The following CHD5 variants were observed in gnomAD, a reference collection of about 807,000 sequenced individuals.
CHD5 encodes the protein chromodomain helicase DNA binding protein 5.
A neutral mutation model predicts 230.3 loss-of-function variants in CHD5; 69 were observed. That is an observed-to-expected ratio of 0.30 (90% CI 0.25 to 0.37). CHD5 has a LOEUF of 0.37. Among genes scored for constraint, CHD5 ranks in the 10% least tolerant of loss-of-function variants. The pLI, the probability that CHD5 is intolerant of heterozygous loss-of-function variation, is 1.00. For synonymous variants in CHD5, 1,064 were observed against 1,065.9 expected (o/e 1.00, Z 0.03); for missense variants, 1,827 against 2,622.8 (o/e 0.70, Z 6.63).
rs552580609 is a variant in CHD5, at chr1:6,113,273, A to G, written c.4913-275T>C. 59 of 427,756 alleles carry G rather than the reference A, an allele frequency of 1.4e-4. 2 individuals carry two copies. Among genetic ancestry groups the G allele is most frequent in the South Asian group, 1.2e-3 (57 of 49,178 alleles). The allele number at this position is 427,756 out of a possible 1,614,324, so 26.5% of individuals were successfully genotyped here. A position where few individuals can be genotyped will look rare whatever the true frequency, so the allele number is the denominator to read the frequency against. ...TCTCATCTCTACAAAAAATACAACA[A>G]CTTAGCTGGGCTTGGCGCCATGCGC... On this transcript the variant is annotated intron_variant, in intron 33 of 41. Coordinates refer to ENST00000262450, the MANE Select transcript of CHD5 (RefSeq NM_015557.3).
rs1557532095 is a variant in CHD5 at position 6,104,618 on chromosome 1, G to GGCCCCCCCC, written c.*855_*856insGGGGGGGGC. 1 of 145,016 alleles carries GGCCCCCCCC rather than the reference G, an allele frequency of 6.9e-6. No individual in the cohort carries two copies. Among genetic ancestry groups the GGCCCCCCCC allele is most frequent in the East Asian group, 2.1e-4 (1 of 4,746 alleles). 9.0% of individuals were successfully genotyped at this position (145,016 alleles called of 1,614,324 possible). On this transcript the variant is annotated 3_prime_UTR_variant, in exon 42 of 42. Transcript: ENST00000262450. The stretch of plus-strand genomic sequence containing the variant: ...CAGCAGTGGCTCCGAGGCAAGTGCT[G>GGCCCCCCCC]CCCCCCCCCCAGCCCACCCTCCCTG...
rs1273194211 is a variant in CHD5 at position 6,130,918 on chromosome 1, G to C, written c.3263-590C>G. On this transcript the variant is annotated intron_variant, in intron 21 of 41. Transcript: ENST00000262450. This position sits in a 1 kb window ranked among gnomAD's most constrained non-coding sequence, Gnocchi z 4.9. ...GCCACTCCTGCTTCCACATGTGGCT[G>C]GGCCACGTCTAGACCCTGAAACTCT... Among the ~76,000 whole-genome samples the C allele has an allele frequency of 1.3e-5, 2 of 152,248 alleles. No individual in the cohort carries two copies. Among genetic ancestry groups the C allele is most frequent in the African/African-American group, 4.8e-5 (2 of 41,466 alleles).
rs367714204 is a variant in CHD5, at chr1:6,142,644, TG to T, written c.2044-40del. ...AGCGGTTCAGACACGCCCCAGATCCTGGGCCACCAGAGTCCACACTACAGGC... is the reference window on the plus strand; with the variant it reads ...AGCGGTTCAGACACGCCCCAGATCCTGGCCACCAGAGTCCACACTACAGGC... On this transcript the variant is annotated intron_variant, in intron 13 of 41. Transcript: ENST00000262450. The surrounding 1 kb of genome is among the most constrained non-coding windows in gnomAD (Gnocchi z 5.2). 205 of 1,575,220 alleles carry T rather than the reference TG, an allele frequency of 1.3e-4. No individual in the cohort carries two copies. In the East Asian group the frequency reaches 3.9e-3, roughly 30 times the overall value.
chr1:6,174,861 G>A lies in CHD5; in HGVS notation c.79+5084C>T, dbSNP rs117741260. Reference sequence around the variant, plus strand: ...TGGATGAATGGATGAATGACGGATGGATGGATGAAAGATGAATGGATAGAT... The same window carrying A: ...TGGATGAATGGATGAATGACGGATGAATGGATGAAAGATGAATGGATAGAT... On this transcript the variant is annotated intron_variant, in intron 1 of 41. Coordinates refer to ENST00000262450, the MANE Select transcript of CHD5 (RefSeq NM_015557.3). Among the ~76,000 whole-genome samples the A allele has an allele frequency of 5.6e-4, 85 of 151,584 alleles. 1 individual carries two copies. In the East Asian group the frequency reaches 0.016, roughly 29 times the overall value.
At position 6,128,719 on chromosome 1, in the gene CHD5, G is replaced by T. The variant is rs2273033; in HGVS notation, c.3620-110C>A. ...GCTGTCCTAGCCAGGAGATACAGGT[G>T]GGGGGTGCAGAAGAGAGGCTGTGTG... On this transcript the variant is annotated intron_variant, in intron 23 of 41. Coordinates refer to ENST00000262450, the MANE Select transcript of CHD5 (RefSeq NM_015557.3). This position sits in a 1 kb window ranked among gnomAD's most constrained non-coding sequence, Gnocchi z 7.8. The T allele has an allele frequency of 1.6e-6, 2 of 1,241,264 alleles. No homozygotes were observed. The highest frequency in any genetic ancestry group is 4.9e-5 in the East Asian group (2 of 41,168). The allele number at this position is 1,241,264 out of a possible 1,614,324, so 76.9% of individuals were successfully genotyped here.
At chr1:6,158,520 C>G (rs1049262609) in intron 3 of CHD5, among the ~76,000 whole-genome samples, 1 of 152,246 alleles carries the variant, frequency 6.6e-6, no homozygotes, top group African/African-American at 2.4e-5. Context: ...GCTGCTCACT[C>G]AAAAATTAGC....
In CHD5 at chr1:6,121,864, G is replaced by A. The variant is rs1169478824; in HGVS notation, c.4700-291C>T. ...GCTCATCTGGAGGCAGGGAAGTGAG[G>A]CAGATGGAGGCCCAGATTGGGAGCC... On this transcript the variant is annotated intron_variant, in intron 31 of 41. Coordinates refer to ENST00000262450, the MANE Select transcript of CHD5 (RefSeq NM_015557.3). This position sits in a 1 kb window ranked among gnomAD's most constrained non-coding sequence, Gnocchi z 4.5. Among the ~76,000 whole-genome samples, 1 of 152,202 alleles carries A rather than the reference G, an allele frequency of 6.6e-6. No homozygotes were observed. Among genetic ancestry groups the A allele is most frequent in the East Asian group, 1.9e-4 (1 of 5,182 alleles).
In CHD5 at chr1:6,137,774, A is replaced by G. The variant is rs115791481; in HGVS notation, c.2437-909T>C. 3.7e-3 allele frequency among the ~76,000 whole-genome samples: 569 copies of G among 152,350 alleles called. 3 individuals carry two copies. The highest frequency in any genetic ancestry group is 0.013 in the African/African-American group (539 of 41,586). On this transcript the variant is annotated intron_variant, in intron 15 of 41. Transcript: ENST00000262450. The stretch of plus-strand genomic sequence containing the variant: ...TTAATGCCCTGAGGTTGCTGATGTG[A>G]AATTATTAATCATTTTGTTGTTTAT...
At chr1:6,172,553 T>A (rs1334534557) in intron 1 of CHD5, among the ~76,000 whole-genome samples, 1 of 151,488 alleles carries the variant, frequency 6.6e-6, no homozygotes, top group African/African-American at 2.4e-5. Context: ...CCTCATTATT[T>A]ACCTACATCT....
At position 6,111,734 on chromosome 1, in the gene CHD5, A is replaced by G. The variant is rs763732531; in HGVS notation, c.5249+41T>C. On this transcript the variant is annotated intron_variant, in intron 36 of 41. Transcript: ENST00000262450. Reference sequence around the variant, plus strand: ...GGGCTCTCCCCGAGGTCCACGGAGGAACGGGCAAGTCCCTGCCCAGCCCGG... The same window carrying G: ...GGGCTCTCCCCGAGGTCCACGGAGGGACGGGCAAGTCCCTGCCCAGCCCGG... 9.8e-6 allele frequency: 15 copies of G among 1,523,898 alleles called. No individual in the cohort carries two copies. In the South Asian group the frequency reaches 1.7e-4, roughly 17 times the overall value. 94.4% of individuals were successfully genotyped at this position (1,523,898 alleles called of 1,614,324 possible). A position where few individuals can be genotyped will look rare whatever the true frequency, so the allele number is the denominator to read the frequency against.
At chr1:6,116,279 T>G (rs1287878859) in intron 33 of CHD5, among the ~76,000 whole-genome samples, 1 of 152,206 alleles carries the variant, frequency 6.6e-6, no homozygotes, top group Non-Finnish European at 1.5e-5. Context: ...ATATGTTTGT[T>G]GGATGAATGA....
At chr1:6,161,484 C>T (rs1192111602) in intron 2 of CHD5, among the ~76,000 whole-genome samples, 1 of 152,248 alleles carries the variant, frequency 6.6e-6, no homozygotes, top group African/African-American at 2.4e-5. Flanking sequence ...CATTAAGCCT[C>T]CAGAGTCAGC....
intron 3 of CHD5, among the ~76,000 whole-genome samples, chr1:6,158,269 C>T (rs1667110147): frequency 6.6e-6 from 1 of 152,194 alleles, no homozygotes; most frequent in South Asian, 2.1e-4. Flanking sequence ...GGACGCTGGG[C>T]CCAGGGGAGA....
chr1:6,106,641 C>T lies in CHD5; in HGVS notation c.5717G>A (p.Arg1906His), dbSNP rs1296476872. Residue 1906 changes from arginine to histidine, a missense_variant, in exon 39 of 42, where the codon CGC becomes CAC. By Grantham distance (29) the Arg-to-His change is conservative. Coordinates refer to ENST00000262450, the MANE Select transcript of CHD5 (RefSeq NM_015557.3). ...CTGCTGGATGGTGGGGTCCCCGGCG[C>T]GGTTGGTCAGGCGGCTCAGGATGCT... ...ERSILSRLTN[R>H]AGDPTIQQGA... is the part of the protein sequence containing the mutation. 3 of 1,596,072 alleles carry T rather than the reference C, an allele frequency of 1.9e-6. No individual in the cohort carries two copies. Among genetic ancestry groups the T allele is most frequent in the Non-Finnish European group, 2.6e-6 (3 of 1,171,908 alleles).
At chr1:6,119,758 C>T (rs1019332910) in intron 33 of CHD5, among the ~76,000 whole-genome samples, 1 of 150,620 alleles carries the variant, frequency 6.6e-6, no homozygotes, top group African/African-American at 2.4e-5. Context: ...TACGTACATA[C>T]GTGCGTACAT....
At position 6,125,880 on chromosome 1, in the gene CHD5, G is replaced by C. The variant is rs368158789; in HGVS notation, c.4079-22C>G. The C allele has an allele frequency of 1.3e-6, 2 of 1,580,446 alleles. No individual in the cohort carries two copies. Among genetic ancestry groups the C allele is most frequent in the East Asian group, 2.2e-5 (1 of 44,724 alleles). ...CACTCTGCAGGGGGCCAGACAGAGG[G>C]GCACGGAGTGAGCTGTACAAGCAAA... On this transcript the variant is annotated intron_variant, in intron 26 of 41. Transcript: ENST00000262450. This position sits in a 1 kb window ranked among gnomAD's most constrained non-coding sequence, Gnocchi z 6.7.
At chr1:6,106,824 GTGGAGGGA>G in intron 38 of CHD5, 45 bp from the exon 39 acceptor site, 1 of 1,494,754 alleles carries the variant, frequency 6.7e-7, no homozygotes, top group Non-Finnish European at 9.1e-7. Flanking sequence ...GGATGGAGGG[GTGGAGGGA>G]TGGAGGAGTG....
Position 6,102,169 on chromosome 1 carries a change from A to G in CHD5, c.*3305T>C, listed in dbSNP as rs138682656. ...CCTCTCCAGGGGTGCTTGGGCTCCA[A>G]TCGCTGCTTGAGGAGTTCAGGACAC... is the stretch of plus-strand genomic sequence containing the variant. On this transcript the variant is annotated 3_prime_UTR_variant, in exon 42 of 42. Transcript: ENST00000262450. The G allele has an allele frequency of 6.0e-3, 1,571 of 260,494 alleles. 18 individuals carry two copies. Among genetic ancestry groups the G allele is most frequent in the South Asian group, 0.018 (568 of 30,912 alleles). The allele number at this position is 260,494 out of a possible 1,614,324, so 16.1% of individuals were successfully genotyped here.
Position 6,155,782 on chromosome 1 carries a change from G to C in CHD5, c.388-65C>G. The C allele has an allele frequency of 7.7e-7, 1 of 1,298,604 alleles. No individual in the cohort carries two copies. Among genetic ancestry groups the C allele is most frequent in the African/African-American group, 1.5e-5 (1 of 68,032 alleles). 80.4% of individuals were successfully genotyped at this position (1,298,604 alleles called of 1,614,324 possible). A position where few individuals can be genotyped will look rare whatever the true frequency, so the allele number is the denominator to read the frequency against. On this transcript the variant is annotated intron_variant, in intron 3 of 41. Coordinates refer to ENST00000262450, the MANE Select transcript of CHD5 (RefSeq NM_015557.3). The surrounding 1 kb of genome is among the most constrained non-coding windows in gnomAD (Gnocchi z 4.0). ...CTTCTGACCTGCACCCCCATCCCCA[G>C]GGTCTCTGCCTAGGAGGCTTTGGCA...
Sources: allele counts gnomAD v4.1 joint callset (sites outside exome capture counted in the v4.1 genomes callset), GRCh38; gene constraint gnomAD v4.1.1; non-coding constraint Gnocchi (gnomAD v3.1); transcripts MANE v1.5; gene names NCBI Gene and HGNC (gene_info 2026-07-23, HGNC 2026-07-21).